The following CLDN10 variants were observed in gnomAD, a reference collection of about 807,000 sequenced individuals.
CLDN10 encodes claudin-10.
Under a neutral mutation model 22.9 loss-of-function variants are expected in CLDN10, and 15 were observed. The observed-to-expected ratio is 0.65, with a 90% CI of 0.44 to 1.01. CLDN10 has a LOEUF of 1.01. Among genes scored for constraint, CLDN10 ranks in the 50% least tolerant of loss-of-function variants. The probability of loss-of-function intolerance (pLI) is 0.00; values close to 1 mark genes in which losing one functional copy is unlikely to be tolerated. For synonymous variants in CLDN10, 114 were observed against 111.4 expected (o/e 1.02, Z -0.15); for missense variants, 247 against 287.8 (o/e 0.86, Z 1.03).
At chr13:95,440,857 G>A (rs900110283) in intron 1 of CLDN10, among the ~76,000 whole-genome samples, 1 of 152,258 alleles carries the variant, frequency 6.6e-6, no homozygotes, top group African/African-American at 2.4e-5. Context: ...GCCTTACAGT[G>A]GTGAAGATGG....
intron 1 of CLDN10, among the ~76,000 whole-genome samples, chr13:95,496,084 CCA>C (rs2042926826): frequency 6.6e-6 from 1 of 152,192 alleles, no homozygotes; most frequent in Non-Finnish European, 1.5e-5. Context: ...ATGGCACTTC[CCA>C]CATGTTGGAT....
chr13:95,521,801 T>A (rs1446030763), intron 1 of CLDN10, among the ~76,000 whole-genome samples: 2 of 152,142 alleles, frequency 1.3e-5, no homozygotes, highest in Non-Finnish European at 2.9e-5. Context: ...GTTTTTTGTT[T>A]TTAATGGAAA....
chr13:95,464,424 C>T lies in CLDN10; in HGVS notation c.214+30377C>T, dbSNP rs2042565099. On this transcript the variant is annotated intron_variant, in intron 1 of 4. Coordinates refer to the CLDN10 transcript ENST00000376873. ...GCTTCATCCATGTCCCTAAAAAGGACATGAACTCATCATTTTTTATAGCTG... is the reference window on the plus strand; with the variant it reads ...GCTTCATCCATGTCCCTAAAAAGGATATGAACTCATCATTTTTTATAGCTG... Among the ~76,000 whole-genome samples the T allele has an allele frequency of 2.0e-5, 3 of 152,276 alleles. No homozygotes were observed. In the East Asian group the frequency reaches 5.8e-4, roughly 29 times the overall value.
chr13:95,458,291 G>T (rs992543314), intron 1 of CLDN10, among the ~76,000 whole-genome samples: 2 of 152,154 alleles, frequency 1.3e-5, no homozygotes, highest in African/African-American at 2.4e-5. Context: ...TGTTCTTGTT[G>T]TTTTGTTTTT....
At chr13:95,561,044 G>A (rs542401524) in intron 3 of CLDN10, 1 of 152,124 alleles carries the variant, frequency 6.6e-6, no homozygotes, top group South Asian at 2.1e-4. Flanking sequence ...TAACAGATCA[G>A]TTTGCTTGTT....
chr13:95,468,421 T>C (rs1353319267), intron 1 of CLDN10, among the ~76,000 whole-genome samples: 3 of 152,148 alleles, frequency 2.0e-5, no homozygotes, highest in African/African-American at 7.2e-5. Context: ...TAACCAGAAA[T>C]GGTATTTAGA....
At chr13:95,495,755 A>AG (rs2042923132) in intron 1 of CLDN10, among the ~76,000 whole-genome samples, 1 of 150,448 alleles carries the variant, frequency 6.6e-6, no homozygotes. Flanking sequence ...AAAAAAAAAA[A>AG]AAAGAAAAGA....
intron 1 of CLDN10, among the ~76,000 whole-genome samples, chr13:95,511,319 C>T (rs2043095446): frequency 2.6e-5 from 4 of 151,716 alleles, no homozygotes; most frequent in Admixed American, 2.6e-4. Flanking sequence ...GATAGAATGG[C>T]AGAGAACAAA....
chr13:95,458,495 G>A (rs764506211), intron 1 of CLDN10, among the ~76,000 whole-genome samples: 2 of 152,178 alleles, frequency 1.3e-5, no homozygotes, highest in Non-Finnish European at 2.9e-5. Context: ...AGGTGAAGGG[G>A]AAGCAAGCCA....
intron 1 of CLDN10, among the ~76,000 whole-genome samples, chr13:95,466,169 A>T (rs12854073): frequency 0.32 from 48,445 of 151,818 alleles, 8,787 homozygotes; most frequent in Non-Finnish European, 0.41. Flanking sequence ...TTCAAGTGTA[A>T]AATTCTTTTT....
chr13:95,562,819 A>C (rs2043732211), intron 3 of CLDN10, among the ~76,000 whole-genome samples: 1 of 152,224 alleles, frequency 6.6e-6, no homozygotes, highest in South Asian at 2.1e-4. Flanking sequence ...CTTAAAAATC[A>C]TTGGACTCTT....
chr13:95,510,038 G>A (rs1397390638), intron 1 of CLDN10, among the ~76,000 whole-genome samples: 2 of 152,166 alleles, frequency 1.3e-5, no homozygotes, highest in African/African-American at 4.8e-5. Flanking sequence ...AACTACCAAT[G>A]TGTTGTCATT....
intron 1 of CLDN10, among the ~76,000 whole-genome samples, chr13:95,471,454 T>TATATATA (rs201753710): frequency 1.1e-4 from 9 of 81,220 alleles, no homozygotes; most frequent in African/African-American, 3.2e-4. Context: ...TATATATATA[T>TATATATA]TTTTTTTTTT....
At chr13:95,523,068 T>C (rs1017522045) in intron 1 of CLDN10, among the ~76,000 whole-genome samples, 15 of 152,088 alleles carry the variant, frequency 9.9e-5, no homozygotes, top group Non-Finnish European at 2.1e-4. Flanking sequence ...TAATAATTTG[T>C]ATTTAAGTTT....
At chr13:95,569,831 A>T (rs1417493242) in intron 3 of CLDN10, among the ~76,000 whole-genome samples, 1 of 145,832 alleles carries the variant, frequency 6.9e-6, no homozygotes, top group Non-Finnish European at 1.5e-5. Context: ...TGCAGTGGTG[A>T]GATCTCGGCT....
At chr13:95,479,352 G>A (rs963289008) in intron 1 of CLDN10, 1 of 151,820 alleles carries the variant, frequency 6.6e-6, no homozygotes, top group African/African-American at 2.4e-5. Flanking sequence ...TCCATCTCGG[G>A]GGGAAAAAAA....
At chr13:95,553,467 A>C (rs958515972) in intron 1 of CLDN10, among the ~76,000 whole-genome samples, 2 of 152,124 alleles carry the variant, frequency 1.3e-5, no homozygotes, top group Non-Finnish European at 2.9e-5. Flanking sequence ...TGGTTCTTTT[A>C]AAAGTAGGCG....
At chr13:95,513,474 A>C (rs1319267640) in intron 1 of CLDN10, among the ~76,000 whole-genome samples, 1 of 152,158 alleles carries the variant, frequency 6.6e-6, no homozygotes, top group Non-Finnish European at 1.5e-5. Context: ...ATTGTATGAC[A>C]CCCCTCTAAC....
chr13:95,465,843 A>G (rs1290494885), intron 1 of CLDN10, among the ~76,000 whole-genome samples: 2 of 152,198 alleles, frequency 1.3e-5, no homozygotes, highest in Non-Finnish European at 2.9e-5. Flanking sequence ...ATCCTCTAGA[A>G]TAGGTGCTGT....
Sources: gnomAD v4.1 joint callset for allele counts (sites outside exome capture counted in the v4.1 genomes callset) on GRCh38, gnomAD v4.1.1 for gene constraint, MANE v1.5 for transcripts, NCBI Gene and HGNC (gene_info 2026-07-23, HGNC 2026-07-21) for gene names.